TRAF3IP1: variants seen among roughly 807,000 people sequenced by gnomAD.
TRAF3IP1 encodes the protein intraflagellar transport 54, also known as TRAF3-interacting protein 1.
A neutral mutation model predicts 89.9 loss-of-function variants in TRAF3IP1; 53 were observed. That is an observed-to-expected ratio of 0.59 (90% CI 0.47 to 0.74). The LOEUF is 0.74. TRAF3IP1 is among the 30% of genes least tolerant of loss of function. TRAF3IP1 has a pLI of 0.00. For missense variants in TRAF3IP1, 806 were observed against 866.1 expected, an observed-to-expected ratio of 0.93 and a Z score of 0.87; for synonymous variants, 311 against 322.1, an observed-to-expected ratio of 0.97 and a Z score of 0.37.
At chr2:238,377,986 T>C (rs1429312681) in intron 15 of TRAF3IP1, among the ~76,000 whole-genome samples, 1 of 152,222 alleles carries the variant, frequency 6.6e-6, no homozygotes, top group Non-Finnish European at 1.5e-5. Flanking sequence ...TAATATTTGC[T>C]CTGGATGTAG....
chr2:238,349,265 CAGTTTGAAATGT>C, intron 11 of TRAF3IP1, 48 bp from the exon 12 acceptor site: 1 of 1,505,068 alleles, frequency 6.6e-7, no homozygotes, highest in Non-Finnish European at 9.1e-7. Flanking sequence ...CTTTCTTTTC[CAGTTTGAAATGT>C]ATAAGCCTTT....
intron 15 of TRAF3IP1, among the ~76,000 whole-genome samples, chr2:238,390,859 C>A (rs1001143884): frequency 6.6e-6 from 1 of 152,038 alleles, no homozygotes; most frequent in Non-Finnish European, 1.5e-5. Flanking sequence ...AACCACAAGG[C>A]ACTGACTGCG....
In TRAF3IP1 at chr2:238,329,125, A is replaced by G; in HGVS notation, c.698A>G (p.Asp233Gly). 1.3e-6 allele frequency: 2 copies of G among 1,551,212 alleles called. No individual in the cohort carries two copies. The highest frequency in any genetic ancestry group is 1.2e-5 in the South Asian group (1 of 84,074). ...RARPDNERQK[D>G]RGNRERDRDS... ...AGGCCAGACAACGAGCGACAGAAAGACAGAGGCAACAGGGAGCGGGACAGA... is the reference window on the plus strand; with the variant it reads ...AGGCCAGACAACGAGCGACAGAAAGGCAGAGGCAACAGGGAGCGGGACAGA... The change falls in exon 5 of 17, where the codon GAC (aspartate) becomes GGC (glycine). Residue 233 changes from aspartate (D) to glycine (G), a missense_variant. Transcript: ENST00000373327.
intron 1 of TRAF3IP1, among the ~76,000 whole-genome samples, 175 bp from the exon 2 acceptor site, chr2:238,325,131 G>T (rs978194044): frequency 6.6e-6 from 1 of 152,330 alleles, no homozygotes; most frequent in Middle Eastern, 3.4e-3. Flanking sequence ...AGAGGATCTG[G>T]CTGGCTTCTG....
intron 15 of TRAF3IP1, among the ~76,000 whole-genome samples, chr2:238,359,014 A>G (rs1699546730): frequency 6.6e-6 from 1 of 152,230 alleles, no homozygotes; most frequent in South Asian, 2.1e-4. Context: ...TGTGGCATGA[A>G]TGCAGCCGCA....
At chr2:238,352,616 G>A (rs906291865) in intron 12 of TRAF3IP1, among the ~76,000 whole-genome samples, 11 of 151,958 alleles carry the variant, frequency 7.2e-5, no homozygotes, top group African/African-American at 2.7e-4. Context: ...GGGGTGGAGG[G>A]CGAGGCTCAC....
At chr2:238,340,208 G>C (rs552295997) in intron 8 of TRAF3IP1, among the ~76,000 whole-genome samples, 1 of 152,194 alleles carries the variant, frequency 6.6e-6, no homozygotes, top group East Asian at 1.9e-4. Context: ...GCAGTTGCAG[G>C]TGTTACCTTG....
chr2:238,384,380 G>GTATATA lies in TRAF3IP1; in HGVS notation c.1690-13069_1690-13064dup, dbSNP rs58730491. ...TGTATGTATGTATGTATGTATGTAT[G>GTATATA]TATATATATATATATGGAGTCTTGC... On this transcript the variant is annotated intron_variant, in intron 15 of 16. Coordinates refer to ENST00000373327, the MANE Select transcript of TRAF3IP1 (RefSeq NM_015650.4). 4.0e-3 allele frequency among the ~76,000 whole-genome samples: 569 copies of GTATATA among 143,302 alleles called. 15 individuals carry two copies. The highest frequency in any genetic ancestry group is 1.4e-3 in the East Asian group (7 of 5,032). 94.0% of individuals were successfully genotyped at this position (143,302 alleles called of 152,430 possible).
chr2:238,336,522 T>A (rs1274344861), intron 7 of TRAF3IP1, among the ~76,000 whole-genome samples: 2 of 152,110 alleles, frequency 1.3e-5, no homozygotes, highest in Admixed American at 1.3e-4. Flanking sequence ...TGTGAGGGTA[T>A]CACATTGTTA....
chr2:238,334,083 T>TG (rs749712228), intron 7 of TRAF3IP1, 48 bp downstream of exon 7: 19 of 1,449,694 alleles, frequency 1.3e-5, no homozygotes, highest in Non-Finnish European at 1.8e-5. Flanking sequence ...TATTAGTTTT[T>TG]TTTTTTTTTG....
At chr2:238,391,382 T>G (rs1372776015) in intron 15 of TRAF3IP1, among the ~76,000 whole-genome samples, 1 of 152,228 alleles carries the variant, frequency 6.6e-6, no homozygotes, top group East Asian at 1.9e-4. Context: ...TCTGGAAAAT[T>G]GTTGATATAT....
intron 15 of TRAF3IP1, among the ~76,000 whole-genome samples, chr2:238,395,380 A>G: frequency 6.6e-6 from 1 of 152,244 alleles, no homozygotes; most frequent in East Asian, 1.9e-4. Context: ...ACAAAAATCA[A>G]TTCAAAATGG....
At chr2:238,324,447 C>T (rs1427069475) in intron 1 of TRAF3IP1, among the ~76,000 whole-genome samples, 1 of 152,164 alleles carries the variant, frequency 6.6e-6, no homozygotes, top group African/African-American at 2.4e-5. Flanking sequence ...AGGTCCTCCT[C>T]GTGGTCCTTC....
At chr2:238,344,696 C>T (rs1218119665) in intron 9 of TRAF3IP1, 98 bp downstream of exon 9, 2 of 1,016,042 alleles carry the variant, frequency 2.0e-6, no homozygotes, top group East Asian at 5.0e-5. Context: ...CGAGGTTTTC[C>T]TCTTGGGTCT....
intron 8 of TRAF3IP1, among the ~76,000 whole-genome samples, chr2:238,341,350 C>G (rs186427993): frequency 3.3e-5 from 5 of 152,002 alleles, no homozygotes; most frequent in African/African-American, 7.2e-5. Flanking sequence ...TGAACTGTTT[C>G]AAAGTATGTT....
At chr2:238,394,069 G>T (rs1207692780) in intron 15 of TRAF3IP1, among the ~76,000 whole-genome samples, 3 of 152,066 alleles carry the variant, frequency 2.0e-5, no homozygotes, top group Non-Finnish European at 4.4e-5. Context: ...GCTGGTGTGC[G>T]CCTGTGATCC....
rs941684824 is a variant in TRAF3IP1 at position 238,400,741 on chromosome 2, T to C, written c.*1822T>C. On this transcript the variant is annotated 3_prime_UTR_variant, in exon 17 of 17. Transcript: ENST00000373327. Reference sequence around the variant, plus strand: ...ACTTCAAGTTGAGATGTCTGCCTTTTATGAATTTGTATATGTGAATAGAGT... The same window carrying C: ...ACTTCAAGTTGAGATGTCTGCCTTTCATGAATTTGTATATGTGAATAGAGT... 1 of 152,254 alleles carries C rather than the reference T, an allele frequency of 6.6e-6. No homozygotes were observed. The highest frequency in any genetic ancestry group is 1.5e-5 in the Non-Finnish European group (1 of 68,046). The allele number at this position is 152,254 out of a possible 1,614,324, so 9.4% of individuals were successfully genotyped here.
intron 15 of TRAF3IP1, among the ~76,000 whole-genome samples, chr2:238,368,676 T>A (rs1284889605): frequency 6.6e-6 from 1 of 152,152 alleles, no homozygotes; most frequent in Non-Finnish European, 1.5e-5. Flanking sequence ...TTGTTATTAA[T>A]AATTTTTTTT....
intron 15 of TRAF3IP1, among the ~76,000 whole-genome samples, chr2:238,364,634 T>C (rs1174831950): frequency 6.6e-6 from 1 of 152,092 alleles, no homozygotes; most frequent in African/African-American, 2.4e-5. Flanking sequence ...CTCTTTTTCA[T>C]TTTATATCTA....
Sources: gnomAD v4.1 joint callset for allele counts (sites outside exome capture counted in the v4.1 genomes callset) on GRCh38, gnomAD v4.1.1 for gene constraint, MANE v1.5 for transcripts, NCBI Gene and HGNC (gene_info 2026-07-23, HGNC 2026-07-21) for gene names.